Variants in TMEM232 observed in about 807,000 individuals in gnomAD.
TMEM232 encodes transmembrane protein 232.
A neutral mutation model predicts 78.8 loss-of-function variants in TMEM232; 80 were observed. The observed-to-expected ratio is 1.01, with a 90% CI of 0.85 to 1.22. The LOEUF (loss-of-function observed/expected upper bound fraction) is 1.22. Among genes scored for constraint, TMEM232 ranks in the 50% most tolerant of loss-of-function variants. The pLI is 0.00. For synonymous variants in TMEM232, 297 were observed against 254.3 expected (o/e 1.17, Z -1.60); for missense variants, 881 against 742.2 (o/e 1.19, Z -2.17).
intron 1 of TMEM232, among the ~76,000 whole-genome samples, chr5:110,681,378 T>G: frequency 6.6e-6 from 1 of 152,182 alleles, no homozygotes; most frequent in East Asian, 1.9e-4. Flanking sequence ...ACTTGGCTTC[T>G]GGATCCCTCT....
chr5:110,572,856 T>C lies in TMEM232; in HGVS notation c.1277-4231A>G, dbSNP rs191568184. Among the ~76,000 whole-genome samples, 13 of 152,176 alleles carry C rather than the reference T, an allele frequency of 8.5e-5. No homozygotes were observed. The East Asian group carries it at 1.9e-3, about 23-fold the overall frequency. On this transcript the variant is annotated intron_variant, in intron 10 of 13. Coordinates refer to ENST00000455884, the MANE Select transcript of TMEM232 (RefSeq NM_001039763.4). ...CAGATGGTATGTGTTACAACTGTCATAAAAAGTAGACCACATTCTAATTTG... is the reference window on the plus strand; with the variant it reads ...CAGATGGTATGTGTTACAACTGTCACAAAAAGTAGACCACATTCTAATTTG...
In TMEM232 at chr5:110,421,332, G is replaced by A. The variant is rs960520417; in HGVS notation, c.1798-576C>T. 1.1e-4 allele frequency among the ~76,000 whole-genome samples: 17 copies of A among 151,750 alleles called. 1 individual carries two copies. The highest frequency in any genetic ancestry group is 6.8e-3 in the Middle Eastern group (2 of 292). On this transcript the variant is annotated intron_variant, in intron 13 of 13. Coordinates refer to ENST00000455884, the MANE Select transcript of TMEM232 (RefSeq NM_001039763.4). ...TTCACTTTATAACCCATGATGTCAT[G>A]TAAATAGTAGTATATTGGAAGGCAA... is the stretch of plus-strand genomic sequence containing the variant.
intron 12 of TMEM232, among the ~76,000 whole-genome samples, chr5:110,516,635 C>A (rs1768700539): frequency 6.6e-6 from 1 of 152,020 alleles, no homozygotes; most frequent in African/African-American, 2.4e-5. Flanking sequence ...AAAGAGCATG[C>A]ATCCAACAAC....
intron 12 of TMEM232, among the ~76,000 whole-genome samples, chr5:110,510,118 T>C (rs1351744792): frequency 1.3e-5 from 2 of 152,146 alleles, no homozygotes; most frequent in Non-Finnish European, 1.5e-5. Context: ...CCCAAGGAAA[T>C]GTTGCTTGTG....
At chr5:110,682,627 AGATATG>A (rs1325848026) in intron 1 of TMEM232, among the ~76,000 whole-genome samples, 3 of 152,152 alleles carry the variant, frequency 2.0e-5, no homozygotes, top group African/African-American at 7.2e-5. Flanking sequence ...TAATTATATC[AGATATG>A]GTTTTTATAT....
chr5:110,391,326 T>TGTGTGTGAGAGAGAGAGAGAGA (rs549361387), intron 3 of TMEM232, among the ~76,000 whole-genome samples: 45 of 139,916 alleles, frequency 3.2e-4, no homozygotes, highest in East Asian at 1.9e-3. Context: ...TGTGTGTGTG[T>TGTGTGTGAGAGAGAGAGAGAGA]GAGAGAGAGA....
Position 110,646,939 on chromosome 5 carries a change from GT to G in TMEM232, c.126-4569del, listed in dbSNP as rs887249203. Among the ~76,000 whole-genome samples the G allele has an allele frequency of 4.3e-4, 64 of 150,364 alleles. 3 individuals are homozygous for G. In the East Asian group the frequency reaches 0.011, roughly 27 times the overall value. On this transcript the variant is annotated intron_variant, in intron 2 of 13. Transcript: ENST00000455884. ...GCCAACAGGCATGTGAAAAGGTTTT[GT>G]TTTTTTTTCTTCTTCTTCTTCTTTT...
chr5:110,392,716 T>C (rs55929539), intron 3 of TMEM232, among the ~76,000 whole-genome samples: 3,833 of 152,248 alleles, frequency 0.025, 174 homozygotes, highest in African/African-American at 0.089. Context: ...TCCCAAAGGT[T>C]CCACCTCCAA....
intron 1 of TMEM232, among the ~76,000 whole-genome samples, chr5:110,735,646 ACT>A (rs1014696072): frequency 3.3e-5 from 5 of 152,052 alleles, no homozygotes; most frequent in Non-Finnish European, 5.9e-5. Context: ...GGACTTAGTG[ACT>A]CTCTTCCAAA....
chr5:110,674,005 A>AT (rs397686431), intron 1 of TMEM232, among the ~76,000 whole-genome samples: 2 of 150,512 alleles, frequency 1.3e-5, no homozygotes, highest in Admixed American at 6.6e-5. Flanking sequence ...AAAAAAAAAA[A>AT]GCAGTCTGAG....
intron 1 of TMEM232, among the ~76,000 whole-genome samples, chr5:110,705,143 G>T (rs1290346183): frequency 6.6e-6 from 1 of 152,096 alleles, no homozygotes; most frequent in African/African-American, 2.4e-5. Flanking sequence ...AACATTTTGG[G>T]TTGTCAACCT....
intron 10 of TMEM232, among the ~76,000 whole-genome samples, chr5:110,581,018 TA>T (rs1778147712): frequency 6.6e-6 from 1 of 151,496 alleles, no homozygotes; most frequent in Non-Finnish European, 1.5e-5. Flanking sequence ...TCAGAGGTGA[TA>T]CAAACAAATG....
intron 12 of TMEM232, chr5:110,513,819 T>G (rs768216012): frequency 6.0e-6 from 1 of 167,848 alleles, no homozygotes; most frequent in Non-Finnish European, 1.5e-5. Flanking sequence ...TACCATATGA[T>G]ACGGCAATTG....
At chr5:110,735,129 A>G (rs1799028307) in intron 1 of TMEM232, 1 of 152,246 alleles carries the variant, frequency 6.6e-6, no homozygotes, top group African/African-American at 2.4e-5. Flanking sequence ...AATAAAAAAT[A>G]TAGGTGATTT....
upstream of TMEM232, chr5:110,738,923 A>G: frequency 1.4e-6 from 2 of 1,400,282 alleles, no homozygotes; most frequent in Non-Finnish European, 1.9e-6. Flanking sequence ...CTCCCTAGCA[A>G]CCGTGCCCTT....
intron 12 of TMEM232, among the ~76,000 whole-genome samples, chr5:110,470,379 C>T (rs1275666181): frequency 1.3e-5 from 2 of 151,982 alleles, no homozygotes; most frequent in African/African-American, 2.4e-5. Context: ...TATGTAAAAG[C>T]CCAGGTGCCA....
At position 110,465,538 on chromosome 5, in the gene TMEM232, T is replaced by G. The variant is rs73784762; in HGVS notation, c.1704-40622A>C. On this transcript the variant is annotated intron_variant, in intron 12 of 13. Coordinates refer to ENST00000455884, the MANE Select transcript of TMEM232 (RefSeq NM_001039763.4). ...TGTGTATATGTTTATTTGATAAAAA[T>G]TTTGATTTTCATTGCCTATTTAGAC... Among the ~76,000 whole-genome samples the G allele has an allele frequency of 4.6e-3, 700 of 152,306 alleles. 4 individuals are homozygous for G. The highest frequency in any genetic ancestry group is 0.016 in the African/African-American group (673 of 41,556).
At chr5:110,539,023 T>G (rs1408156863) in intron 11 of TMEM232, among the ~76,000 whole-genome samples, 2 of 152,166 alleles carry the variant, frequency 1.3e-5, no homozygotes, top group African/African-American at 4.8e-5. Flanking sequence ...TGGGAAGAGA[T>G]ATTATGGTTA....
At chr5:110,649,598 C>A (rs1040683864) in intron 2 of TMEM232, among the ~76,000 whole-genome samples, 1 of 152,114 alleles carries the variant, frequency 6.6e-6, no homozygotes, top group African/African-American at 2.4e-5. Context: ...TTTCCCACAT[C>A]CTCACCAGAA....
Sources: gnomAD v4.1 joint callset for allele counts (sites outside exome capture counted in the v4.1 genomes callset) on GRCh38, gnomAD v4.1.1 for gene constraint, MANE v1.5 for transcripts, NCBI Gene and HGNC (gene_info 2026-07-23, HGNC 2026-07-21) for gene names.